ADK: variants seen among roughly 807,000 people sequenced by gnomAD.
ADK encodes N6,N6-dimethyladenosine kinase.
A neutral mutation model predicts 44.7 loss-of-function variants in ADK; 24 were observed. The observed-to-expected ratio is 0.54, with a 90% CI of 0.39 to 0.76. The LOEUF is 0.76. Ranked by LOEUF, ADK falls within the 30% of genes least tolerant of loss-of-function variation. The pLI is 0.00. For synonymous variants in ADK, 128 were observed against 142.6 expected, an observed-to-expected ratio of 0.90 and a Z score of 0.73; for missense variants, 321 against 425.1, an observed-to-expected ratio of 0.76 and a Z score of 2.15.
At chr10:74,332,392 T>C (rs1381374812) in intron 4 of ADK, among the ~76,000 whole-genome samples, 1 of 152,182 alleles carries the variant, frequency 6.6e-6, no homozygotes, top group Non-Finnish European at 1.5e-5. Flanking sequence ...CAAAGAACTG[T>C]ATTGTGATGG....
intron 4 of ADK, among the ~76,000 whole-genome samples, chr10:74,351,788 C>T (rs554514293): frequency 1.3e-5 from 2 of 151,912 alleles, no homozygotes; most frequent in African/African-American, 2.4e-5. Context: ...AAGCAGAGAG[C>T]CAAATCATGA....
intron 7 of ADK, among the ~76,000 whole-genome samples, chr10:74,552,881 G>C (rs1316537209): frequency 6.6e-6 from 1 of 152,102 alleles, no homozygotes; most frequent in Admixed American, 6.6e-5. Context: ...GTGAGATACT[G>C]ACCCATCACT....
chr10:74,373,934 A>G (rs894081036), intron 4 of ADK, among the ~76,000 whole-genome samples: 1 of 152,234 alleles, frequency 6.6e-6, no homozygotes, highest in Non-Finnish European at 1.5e-5. Context: ...TCCATGCAAT[A>G]GAATATTATT....
intron 2 of ADK, among the ~76,000 whole-genome samples, chr10:74,222,868 G>C (rs1446094027): frequency 7.7e-6 from 1 of 129,392 alleles, no homozygotes; most frequent in Non-Finnish European, 1.6e-5. Flanking sequence ...TTGTGGGGTG[G>C]GGGGAGGGGG....
chr10:74,535,446 G>T (rs1849417150), intron 7 of ADK, among the ~76,000 whole-genome samples: 2 of 152,066 alleles, frequency 1.3e-5, no homozygotes, highest in South Asian at 2.1e-4. Context: ...CTGGGTAACA[G>T]AGTAAGACCC....
chr10:74,670,123 G>A, intron 9 of ADK, 60 bp from the exon 10 acceptor site: 2 of 1,285,320 alleles, frequency 1.6e-6, no homozygotes, highest in South Asian at 1.2e-5. Flanking sequence ...GTTACTGGGT[G>A]AGCTTGTATT....
rs1407174090 is a variant in ADK, at chr10:74,600,500, G to A, written c.877+7G>A. Reference sequence around the variant, plus strand: ...GACACTATAATGGCTACAGGTACATGTGGGAAATGTGTGATGAATCTAGTA... The same window carrying A: ...GACACTATAATGGCTACAGGTACATATGGGAAATGTGTGATGAATCTAGTA... On this transcript the variant is annotated splice_region_variant and intron_variant, in intron 9 of 10. Coordinates refer to ENST00000539909, the MANE Select transcript of ADK (RefSeq NM_006721.4). 1.3e-6 allele frequency: 2 copies of A among 1,578,750 alleles called. No individual in the cohort carries two copies. Among genetic ancestry groups the A allele is most frequent in the African/African-American group, 1.4e-5 (1 of 73,794 alleles).
rs57958159 is a variant in ADK at position 74,356,002 on chromosome 10, A to ATATTGTTTTTTTT, written c.274-38138_274-38137insATTGTTTTTTTTT. 8.4e-5 allele frequency among the ~76,000 whole-genome samples: 7 copies of ATATTGTTTTTTTT among 83,300 alleles called. 1 individual carries two copies. Among genetic ancestry groups the ATATTGTTTTTTTT allele is most frequent in the African/African-American group, 3.6e-4 (7 of 19,612 alleles). 54.6% of individuals were successfully genotyped at this position (83,300 alleles called of 152,430 possible). On this transcript the variant is annotated intron_variant, in intron 4 of 10. Coordinates refer to ENST00000539909, the MANE Select transcript of ADK (RefSeq NM_006721.4). ...TCTGAAATATTTCACTAAATAATTC[A>ATATTGTTTTTTTT]TTTTTTTTTTTTTTTTTTTTTTTTT...
chr10:74,197,649 G>T (rs1591838265), intron 1 of ADK, among the ~76,000 whole-genome samples: 1 of 146,494 alleles, frequency 6.8e-6, no homozygotes, highest in Non-Finnish European at 1.5e-5. Flanking sequence ...AGTGAGCAGA[G>T]ATCATGCCAT....
At chr10:74,692,434 G>A (rs768257988) in intron 10 of ADK, among the ~76,000 whole-genome samples, 12 of 152,120 alleles carry the variant, frequency 7.9e-5, no homozygotes, top group Non-Finnish European at 1.3e-4. Context: ...AGCTGAGATC[G>A]TGCCATTGCT....
intron 4 of ADK, among the ~76,000 whole-genome samples, chr10:74,351,524 C>G (rs1357573164): frequency 1.3e-5 from 2 of 152,176 alleles, no homozygotes; most frequent in African/African-American, 2.4e-5. Flanking sequence ...AGGATGCCCT[C>G]TCTCACCACT....
intron 9 of ADK, among the ~76,000 whole-genome samples, chr10:74,633,500 A>G (rs1853511322): frequency 6.6e-6 from 1 of 152,234 alleles, no homozygotes; most frequent in Non-Finnish European, 1.5e-5. Context: ...TTTATGTGAT[A>G]GCATACATAA....
chr10:74,224,206 A>G (rs1284395795), intron 2 of ADK, among the ~76,000 whole-genome samples: 3 of 152,212 alleles, frequency 2.0e-5, no homozygotes, highest in South Asian at 4.1e-4. Flanking sequence ...AATGATTTAC[A>G]TATTATTTGT....
At chr10:74,293,608 A>G (rs1168975933) in intron 3 of ADK, among the ~76,000 whole-genome samples, 1 of 152,164 alleles carries the variant, frequency 6.6e-6, no homozygotes. Context: ...TTACTCTTTT[A>G]TTAGAGTTAA....
intron 2 of ADK, among the ~76,000 whole-genome samples, chr10:74,205,840 C>T (rs1282604405): frequency 6.6e-6 from 1 of 151,892 alleles, no homozygotes; most frequent in Non-Finnish European, 1.5e-5. Context: ...CTTAAAGCAA[C>T]CTAGGTAACT....
At chr10:74,242,932 C>T (rs1845278730) in intron 3 of ADK, among the ~76,000 whole-genome samples, 1 of 152,220 alleles carries the variant, frequency 6.6e-6, no homozygotes, top group South Asian at 2.1e-4. Flanking sequence ...AGAGCCATTT[C>T]CACCGCTCAG....
At chr10:74,463,159 CT>C (rs1325626800) in intron 6 of ADK, among the ~76,000 whole-genome samples, 1 of 151,840 alleles carries the variant, frequency 6.6e-6, no homozygotes, top group Non-Finnish European at 1.5e-5. Flanking sequence ...GGTCCCCAAC[CT>C]TTTTGGCACC....
In ADK at chr10:74,708,613, A is replaced by C; in HGVS notation, c.*168A>C. 1.4e-6 allele frequency: 1 copy of C among 690,362 alleles called. No homozygotes were observed. Among genetic ancestry groups the C allele is most frequent in the Non-Finnish European group, 2.3e-6 (1 of 434,834 alleles). 42.8% of individuals were successfully genotyped at this position (690,362 alleles called of 1,614,324 possible). A position where few individuals can be genotyped will look rare whatever the true frequency, so the allele number is the denominator to read the frequency against. On this transcript the variant is annotated 3_prime_UTR_variant, in exon 11 of 11. Coordinates refer to ENST00000539909, the MANE Select transcript of ADK (RefSeq NM_006721.4). The stretch of plus-strand genomic sequence containing the variant: ...GTATGGTAATGCTTGTAGAATCTTT[A>C]TTATCTCAACAATCTAAAAAATGAT...
chr10:74,592,429 A>G (rs948267182), intron 8 of ADK, among the ~76,000 whole-genome samples: 2 of 152,200 alleles, frequency 1.3e-5, no homozygotes, highest in African/African-American at 4.8e-5. Context: ...ATTGATTTAA[A>G]TAAAGTGAAG....
Sources: gnomAD v4.1 joint callset for allele counts (sites outside exome capture counted in the v4.1 genomes callset) on GRCh38, gnomAD v4.1.1 for gene constraint, MANE v1.5 for transcripts, NCBI Gene and HGNC (gene_info 2026-07-23, HGNC 2026-07-21) for gene names.